DNA2: variants seen among roughly 807,000 people sequenced by gnomAD.
DNA2 encodes the protein DNA replication helicase/nuclease 2, also known as DNA replication ATP-dependent helicase/nuclease DNA2.
Under a neutral mutation model 119.1 loss-of-function variants are expected in DNA2, and 101 were observed. The observed-to-expected ratio is 0.85, with a 90% CI of 0.72 to 1.00. The LOEUF is 1.00. DNA2 is among the 50% of genes least tolerant of loss of function. The pLI, the probability that DNA2 is intolerant of heterozygous loss-of-function variation, is 0.00. For synonymous variants in DNA2, 366 were observed against 424.4 expected, an observed-to-expected ratio of 0.86 and a Z score of 1.69; for missense variants, 1,121 against 1,255.5, an observed-to-expected ratio of 0.89 and a Z score of 1.62.
At chr10:68,443,837 G>C (rs112321692) in intron 8 of DNA2, among the ~76,000 whole-genome samples, 10,386 of 152,030 alleles carry the variant, frequency 0.068, 471 homozygotes, top group Non-Finnish European at 0.1. Flanking sequence ...TGTAGTCCCA[G>C]CTACTCGAGA....
In DNA2 at chr10:68,450,109, T is replaced by C. The variant is rs2052098713; in HGVS notation, c.858A>G (p.Arg286=). 9 of 1,604,698 alleles carry C rather than the reference T, an allele frequency of 5.6e-6. No individual in the cohort carries two copies. Among genetic ancestry groups the C allele is most frequent in the Non-Finnish European group, 5.1e-6 (6 of 1,174,834 alleles). ...IDVTVGVKIH[R]GYKTKYKIMP... ...TTATCTTGTATTTTGTTTTATACCCTCGATGTATTTTCACACCAACTGTAA... is the reference window on the plus strand; with the variant it reads ...TTATCTTGTATTTTGTTTTATACCCCCGATGTATTTTCACACCAACTGTAA... The change falls in exon 6 of 21, where the codon CGA becomes CGG. Residue 286 remains arginine (R), a synonymous_variant. Coordinates refer to ENST00000358410, the MANE Select transcript of DNA2 (RefSeq NM_001080449.3).
chr10:68,470,221 A>C, intron 1 of DNA2, 58 bp from the exon 2 acceptor site: 1 of 1,420,848 alleles, frequency 7.0e-7, no homozygotes, highest in Non-Finnish European at 9.4e-7. Context: ...AAGCCATCCA[A>C]TATGTTTTAT....
chr10:68,415,264 G>A (rs1387340199), intron 20 of DNA2, among the ~76,000 whole-genome samples, 157 bp from the exon 21 acceptor site: 1 of 150,816 alleles, frequency 6.6e-6, no homozygotes, highest in African/African-American at 2.4e-5. Context: ...TAAGCAACAG[G>A]AGTTATTTAT....
At position 68,471,954 on chromosome 10, in the gene DNA2, C is replaced by A; in HGVS notation, c.-90G>T. The A allele has an allele frequency of 6.2e-7, 1 of 1,612,766 alleles. No homozygotes were observed. Among genetic ancestry groups the A allele is most frequent in the Non-Finnish European group, 8.5e-7 (1 of 1,179,034 alleles). The stretch of plus-strand genomic sequence containing the variant: ...CTTAGAAAAGGGAAAAAGGCGCGAG[C>A]CTGCGCACCTCGCGCGCATGCGCCA... On this transcript the variant is annotated 5_prime_UTR_variant, in exon 1 of 21. Transcript: ENST00000358410.
chr10:68,414,253 A>G lies in DNA2; in HGVS notation c.*786T>C, dbSNP rs2051560425. Reference sequence around the variant, plus strand: ...CTTTTAACCTTTGTTAAAATCTGTTACTTTTTATATATATAATATAATCAC... The same window carrying G: ...CTTTTAACCTTTGTTAAAATCTGTTGCTTTTTATATATATAATATAATCAC... On this transcript the variant is annotated 3_prime_UTR_variant, in exon 21 of 21. Transcript: ENST00000358410. 6.6e-6 allele frequency: 1 copy of G among 151,942 alleles called. No homozygotes were observed. The highest frequency in any genetic ancestry group is 1.5e-5 in the Non-Finnish European group (1 of 67,990). 9.4% of individuals were successfully genotyped at this position (151,942 alleles called of 1,614,324 possible).
intron 4 of DNA2, among the ~76,000 whole-genome samples, chr10:68,464,064 ATGAAGGTTATCC>A: frequency 6.6e-6 from 1 of 152,234 alleles, no homozygotes; most frequent in East Asian, 1.9e-4. Flanking sequence ...AGTACTGAAG[ATGAAGGTTATCC>A]TTGCAAAAGG....
At chr10:68,416,050 T>C (rs1322812265) in intron 20 of DNA2, among the ~76,000 whole-genome samples, 2 of 152,160 alleles carry the variant, frequency 1.3e-5, no homozygotes, top group Non-Finnish European at 2.9e-5. Flanking sequence ...TGGTGGTACG[T>C]ACCTGTGGTC....
In DNA2 at chr10:68,424,701, C is replaced by G. The variant is rs1045272185; in HGVS notation, c.2209-1811G>C. On this transcript the variant is annotated intron_variant, in intron 14 of 20. Coordinates refer to ENST00000358410, the MANE Select transcript of DNA2 (RefSeq NM_001080449.3). The stretch of plus-strand genomic sequence containing the variant: ...GCAGAAGTACAATGTCCGCTCCACA[C>G]CCATCCGCAAGGACGACGAGGTCCA... The G allele has an allele frequency of 3.1e-6, 5 of 1,605,496 alleles. No homozygotes were observed. In the African/African-American group the frequency reaches 5.4e-5, roughly 17 times the overall value.
At position 68,444,908 on chromosome 10, in the gene DNA2, A is replaced by G. The variant is rs187702229; in HGVS notation, c.1220+13T>C. 18 of 1,607,240 alleles carry G rather than the reference A, an allele frequency of 1.1e-5. No homozygotes were observed. The East Asian group carries it at 3.6e-4, about 32-fold the overall frequency. On this transcript the variant is annotated intron_variant, in intron 8 of 20. Coordinates refer to ENST00000358410, the MANE Select transcript of DNA2 (RefSeq NM_001080449.3). ...CTCAACTAGAAATAATGCCTTTGGT[A>G]GACAATATTTACCTGCTATAAAGAG...
rs34191745 is a variant in DNA2 at position 68,450,250 on chromosome 10, GA to G, written c.720-4del. The G allele has an allele frequency of 0.1, 99,461 of 999,232 alleles. 2 individuals are homozygous for G. The highest frequency in any genetic ancestry group is 0.15 in the South Asian group (7,283 of 48,128). 61.9% of individuals were successfully genotyped at this position (999,232 alleles called of 1,614,324 possible). A position where few individuals can be genotyped will look rare whatever the true frequency, so the allele number is the denominator to read the frequency against. On this transcript the variant is annotated splice_polypyrimidine_tract_variant and splice_region_variant and intron_variant, in intron 5 of 20. Coordinates refer to ENST00000358410, the MANE Select transcript of DNA2 (RefSeq NM_001080449.3). ...TATCCTTACTATTATCACTTGGCCT[GA>G]AAAAAAAAAAAGCACAAAAACACTT...
intron 5 of DNA2, among the ~76,000 whole-genome samples, chr10:68,453,695 C>A (rs1466863324): frequency 6.6e-6 from 1 of 152,134 alleles, no homozygotes; most frequent in African/African-American, 2.4e-5. Flanking sequence ...ACCGTTGTTA[C>A]AATTGCCTAC....
At chr10:68,437,838 G>A (rs2051911795) in intron 9 of DNA2, among the ~76,000 whole-genome samples, 1 of 151,944 alleles carries the variant, frequency 6.6e-6, no homozygotes, top group African/African-American at 2.4e-5. Context: ...AGTCTCCTGA[G>A]TAGCTAGGAT....
rs141948096 is a variant in DNA2, at chr10:68,418,964, C to T, written c.2967+70G>A. The T allele has an allele frequency of 5.5e-3, 7,965 of 1,435,660 alleles. 357 individuals carry two copies. In the African/African-American group the frequency reaches 0.1, roughly 18 times the overall value. The allele number at this position is 1,435,660 out of a possible 1,614,324, so 88.9% of individuals were successfully genotyped here. ...CTGGGATTACAGGTGTGAGCCACCG[C>T]GCCCGGCCCACAATTTTTAAAGAGA... On this transcript the variant is annotated intron_variant, in intron 19 of 20. Transcript: ENST00000358410.
chr10:68,434,591 G>T (rs1479923270), intron 10 of DNA2, among the ~76,000 whole-genome samples: 1 of 152,128 alleles, frequency 6.6e-6, no homozygotes, highest in Non-Finnish European at 1.5e-5. Context: ...AGTCCAGGCT[G>T]CAGTGAACTG....
chr10:68,452,860 A>G (rs2052138001), intron 5 of DNA2, among the ~76,000 whole-genome samples: 1 of 148,490 alleles, frequency 6.7e-6, no homozygotes, highest in Non-Finnish European at 1.5e-5. Context: ...CTGGGATTAC[A>G]GTTATGAGCC....
At chr10:68,431,177 C>A (rs555631244) in intron 13 of DNA2, among the ~76,000 whole-genome samples, 3 of 148,540 alleles carry the variant, frequency 2.0e-5, no homozygotes, top group Non-Finnish European at 3.0e-5. Context: ...GCATGATCCA[C>A]CTCGCCTGGC....
chr10:68,446,136 C>G (rs895278812), intron 7 of DNA2, among the ~76,000 whole-genome samples, 160 bp downstream of exon 7: 1 of 150,938 alleles, frequency 6.6e-6, no homozygotes, highest in Non-Finnish European at 1.5e-5. Flanking sequence ...AAAACGAAAA[C>G]AAAAACACAC....
chr10:68,437,963 C>T (rs956659036), intron 9 of DNA2, among the ~76,000 whole-genome samples: 3 of 152,118 alleles, frequency 2.0e-5, no homozygotes, highest in Non-Finnish European at 2.9e-5. Flanking sequence ...CCACTGGCCT[C>T]AGCCTCCCAA....
At position 68,442,950 on chromosome 10, in the gene DNA2, T is replaced by C. The variant is rs768612249; in HGVS notation, c.1382A>G (p.His461Arg). The C allele has an allele frequency of 1.1e-5, 17 of 1,612,684 alleles. No homozygotes were observed. The highest frequency in any genetic ancestry group is 3.3e-5 in the Admixed American group (2 of 59,710). ...AGCAGGCATTAGCCAGATATTTTGG[T>C]GATTCTTTTTATTATCCTTCGATTG... The part of the protein sequence containing the change: ...ESQSKDNKKN[H>R]QNIWLMPASE... The change falls in exon 9 of 21, where the codon CAC becomes CGC. Residue 461 changes from histidine (H) to arginine (R), a missense_variant. His to Arg is a conservative substitution (Grantham distance 29). Transcript: ENST00000358410.
Sources: allele counts gnomAD v4.1 joint callset (sites outside exome capture counted in the v4.1 genomes callset), GRCh38; gene constraint gnomAD v4.1.1; transcripts MANE v1.5; gene names NCBI Gene and HGNC (gene_info 2026-07-23, HGNC 2026-07-21).